The following MYO9B variants were observed in gnomAD, a reference collection of about 807,000 sequenced individuals.
The protein encoded by MYO9B is myosin IXB, also known as unconventional myosin-IXb.
In MYO9B, 71 loss-of-function variants were observed where a neutral mutation model predicts 229.5. That is an observed-to-expected ratio of 0.31 (90% CI 0.26 to 0.38). MYO9B has a LOEUF of 0.38. Ranked by LOEUF, MYO9B falls within the 10% of genes least tolerant of loss-of-function variation. The pLI, the probability that MYO9B is intolerant of heterozygous loss-of-function variation, is 1.00. For synonymous variants in MYO9B, 1,185 were observed against 1,235.8 expected (o/e 0.96, Z 0.86); for missense variants, 2,255 against 2,920.5 (o/e 0.77, Z 5.25).
At position 17,202,112 on chromosome 19, in the gene MYO9B, C is replaced by G. The variant is rs376107506; in HGVS notation, c.4663-18C>G. The G allele has an allele frequency of 4.0e-5, 65 of 1,612,880 alleles. No homozygotes were observed. Among genetic ancestry groups the G allele is most frequent in the Non-Finnish European group, 4.7e-5 (55 of 1,179,240 alleles). On this transcript the variant is annotated intron_variant, in intron 27 of 39. Coordinates refer to ENST00000682292, the MANE Select transcript of MYO9B (RefSeq NM_004145.4). The stretch of plus-strand genomic sequence containing the variant: ...CCCCTTGCCCAGGCCTGCAGGGTGA[C>G]GCCTAGCATTCCTACAGAACGGGAA...
chr19:17,143,490 A>C (rs1034964821), intron 2 of MYO9B, among the ~76,000 whole-genome samples: 3 of 152,174 alleles, frequency 2.0e-5, no homozygotes, highest in African/African-American at 7.2e-5. Flanking sequence ...TTAGCAAACT[A>C]ACACAGGAAC....
chr19:17,107,517 G>T (rs1024998454), intron 2 of MYO9B, among the ~76,000 whole-genome samples: 4 of 152,202 alleles, frequency 2.6e-5, no homozygotes, highest in Non-Finnish European at 5.9e-5. Context: ...GTTGCTAAGT[G>T]TTAGGGGCAA....
In MYO9B at chr19:17,211,929, G is replaced by GCCCCCCCCCCCCCCCC; in HGVS notation, c.6096_6097insCCCCCCCCCCCCCCCC (p.Thr2033ProfsTer172). The GCCCCCCCCCCCCCCCC allele has an allele frequency of 1.9e-6, 3 of 1,552,352 alleles. No homozygotes were observed. The highest frequency in any genetic ancestry group is 1.7e-6 in the Non-Finnish European group (2 of 1,147,694). On this transcript the variant is annotated frameshift_variant, in exon 40 of 40. Transcript: ENST00000682292. LOFTEE classifies it low-confidence loss of function (END_TRUNC). ...CGCCTGCTCTCCCTTGCCCCGGCGC[G>GCCCCCCCCCCCCCCCC]CCCACCCCGAGCCCCCTCCCCACCG... is the stretch of plus-strand genomic sequence containing the variant.
intron 2 of MYO9B, among the ~76,000 whole-genome samples, chr19:17,111,646 C>T (rs1220984958): frequency 6.6e-6 from 1 of 152,162 alleles, no homozygotes; most frequent in Non-Finnish European, 1.5e-5. Flanking sequence ...TGGTCTCCAA[C>T]TCCTGGCCTC....
At chr19:17,191,483 G>A (rs935455350) in intron 20 of MYO9B, among the ~76,000 whole-genome samples, 6 of 152,198 alleles carry the variant, frequency 3.9e-5, no homozygotes, top group African/African-American at 1.4e-4. Flanking sequence ...AGGGACGATC[G>A]TGCTAACTGG....
chr19:17,152,587 A>T, intron 3 of MYO9B, 57 bp from the exon 4 acceptor site: 1 of 1,463,596 alleles, frequency 6.8e-7, no homozygotes, highest in Non-Finnish European at 9.3e-7. Flanking sequence ...ACAACTCAAT[A>T]TTAACACAAT....
chr19:17,086,938 C>T (rs1357418849), intron 1 of MYO9B, among the ~76,000 whole-genome samples: 2 of 151,690 alleles, frequency 1.3e-5, no homozygotes, highest in Non-Finnish European at 2.9e-5. Flanking sequence ...GACAGACTCA[C>T]TGCTGGCTGA....
At chr19:17,143,956 T>G (rs1299362739) in intron 2 of MYO9B, among the ~76,000 whole-genome samples, 2 of 151,972 alleles carry the variant, frequency 1.3e-5, no homozygotes, top group Non-Finnish European at 2.9e-5. Flanking sequence ...AAATAACTGT[T>G]GGATACTAGG....
chr19:17,132,343 G>A (rs1480076887), intron 2 of MYO9B, among the ~76,000 whole-genome samples: 1 of 149,520 alleles, frequency 6.7e-6, no homozygotes, highest in South Asian at 2.1e-4. Context: ...GTGCCACCAC[G>A]CCCGGCTAAT....
intron 10 of MYO9B, 31 bp from the exon 11 acceptor site, chr19:17,167,912 G>C: frequency 6.4e-7 from 1 of 1,551,382 alleles, no homozygotes; most frequent in Non-Finnish European, 8.7e-7. Flanking sequence ...TGGGAGATAA[G>C]AAACTTACCG....
chr19:17,142,816 G>A (rs1289798677), intron 2 of MYO9B, among the ~76,000 whole-genome samples: 1 of 152,092 alleles, frequency 6.6e-6, no homozygotes, highest in Non-Finnish European at 1.5e-5. Flanking sequence ...ACCATTCTTG[G>A]CTCGCAGGCG....
chr19:17,103,491 T>A (rs551501584), intron 2 of MYO9B: 1 of 152,346 alleles, frequency 6.6e-6, no homozygotes, highest in Admixed American at 6.5e-5. Flanking sequence ...AGGATTGGCT[T>A]GTTTGAATTA....
intron 2 of MYO9B, among the ~76,000 whole-genome samples, chr19:17,133,467 G>T (rs1362350371): frequency 1.3e-5 from 2 of 151,360 alleles, no homozygotes; most frequent in Admixed American, 1.3e-4. Flanking sequence ...TTCTACTTCC[G>T]TTTTTTTGAG....
chr19:17,137,638 C>T (rs1045776783), intron 2 of MYO9B, among the ~76,000 whole-genome samples: 4 of 152,166 alleles, frequency 2.6e-5, no homozygotes, highest in African/African-American at 4.8e-5. Context: ...TAGTGTGACC[C>T]GCACATGGGT....
intron 3 of MYO9B, among the ~76,000 whole-genome samples, chr19:17,151,464 A>G (rs2072476577): frequency 6.6e-6 from 1 of 152,174 alleles, no homozygotes; most frequent in Admixed American, 6.6e-5. Flanking sequence ...ACTTGCATCT[A>G]GAATATAGAA....
chr19:17,200,338 A>G lies in MYO9B; in HGVS notation c.4284A>G (p.Lys1428=), dbSNP rs1249713938. ...RLFLHKTKDK[K]YSLEGAEELE... The stretch of plus-strand genomic sequence containing the variant: ...TTCTGCATAAAACCAAGGATAAAAA[A>G]TACAGCCTGGAGGGCGCAGAGGAGC... Residue 1428 remains lysine (K), a synonymous_variant, in exon 25 of 40, where the codon AAA becomes AAG. Coordinates refer to ENST00000682292, the MANE Select transcript of MYO9B (RefSeq NM_004145.4). 8.1e-6 allele frequency: 13 copies of G among 1,613,340 alleles called. No homozygotes were observed. Among genetic ancestry groups the G allele is most frequent in the Non-Finnish European group, 1.1e-5 (13 of 1,179,620 alleles).
At chr19:17,162,659 A>G (rs186629946) in intron 9 of MYO9B, among the ~76,000 whole-genome samples, 193 bp downstream of exon 9, 34 of 152,070 alleles carry the variant, frequency 2.2e-4, no homozygotes, top group Admixed American at 5.9e-4. Flanking sequence ...ATGAAAACAT[A>G]AGGCCCCTTA....
chr19:17,141,580 CGAAA>C (rs2072340438), intron 2 of MYO9B, among the ~76,000 whole-genome samples: 1 of 151,916 alleles, frequency 6.6e-6, no homozygotes, highest in Non-Finnish European at 1.5e-5. Flanking sequence ...TTTTCCTAAA[CGAAA>C]GAGCCCCCAC....
At chr19:17,189,310 G>C (rs1048160980) in intron 19 of MYO9B, among the ~76,000 whole-genome samples, 3 of 151,578 alleles carry the variant, frequency 2.0e-5, no homozygotes, top group Admixed American at 6.6e-5. Flanking sequence ...CTGGATGGCA[G>C]AGCAAGACCC....
Sources: allele counts gnomAD v4.1 joint callset (sites outside exome capture counted in the v4.1 genomes callset), GRCh38; gene constraint gnomAD v4.1.1; transcripts MANE v1.5; gene names NCBI Gene and HGNC (gene_info 2026-07-23, HGNC 2026-07-21).